The following ST3GAL3 variants were observed in gnomAD, a reference collection of about 807,000 sequenced individuals.
ST3GAL3 encodes the protein CMP-N-acetylneuraminate-beta-1,4-galactoside alpha-2,3-sialyltransferase.
ST3GAL3 carries 21 observed loss-of-function variants against 50.1 expected under a neutral mutation model. The ratio of observed to expected loss-of-function variants is 0.42; its 90% CI spans 0.30 to 0.60. The LOEUF (loss-of-function observed/expected upper bound fraction) is 0.60. ST3GAL3 is among the 20% of genes least tolerant of loss of function. The pLI is 0.19. For missense variants in ST3GAL3, 353 were observed against 489.4 expected (o/e 0.72, Z 2.63); for synonymous variants, 183 against 190.0 (o/e 0.96, Z 0.30).
At chr1:43,786,432 G>A (rs2057349402) in intron 2 of ST3GAL3, among the ~76,000 whole-genome samples, 1 of 152,100 alleles carries the variant, frequency 6.6e-6, no homozygotes, top group African/African-American at 2.4e-5. Flanking sequence ...ATGTAGCAGG[G>A]CTGCTGCGCT....
At chr1:43,923,511 C>T (rs1041323355) in intron 11 of ST3GAL3, among the ~76,000 whole-genome samples, 17 of 152,098 alleles carry the variant, frequency 1.1e-4, no homozygotes, top group African/African-American at 3.4e-4. Flanking sequence ...GATCAAGGTG[C>T]GGGAAGATTC....
intron 9 of ST3GAL3, among the ~76,000 whole-genome samples, chr1:43,908,523 G>A (rs1047029503): frequency 2.0e-5 from 3 of 152,078 alleles, no homozygotes; most frequent in South Asian, 2.1e-4. Flanking sequence ...GATGATTTGC[G>A]CAGGCTCAAG....
intron 2 of ST3GAL3, among the ~76,000 whole-genome samples, chr1:43,749,582 C>CA (rs886091249): frequency 6.6e-6 from 1 of 151,908 alleles, no homozygotes; most frequent in Non-Finnish European, 1.5e-5. Flanking sequence ...AACAAACAAA[C>CA]AAAAAAATGA....
At chr1:43,731,870 G>T (rs1676076371) in intron 1 of ST3GAL3, among the ~76,000 whole-genome samples, 16 of 151,886 alleles carry the variant, frequency 1.1e-4, no homozygotes, top group Admixed American at 1.0e-3. Flanking sequence ...TAGAGACAGG[G>T]TCCTACTGTG....
chr1:43,920,733 T>G, intron 10 of ST3GAL3, 49 bp from the exon 11 acceptor site: 1 of 1,613,696 alleles, frequency 6.2e-7, no homozygotes, highest in Non-Finnish European at 8.5e-7. Flanking sequence ...GTCCCAGCCC[T>G]CCAGCTGAAC....
chr1:43,739,117 A>C (rs770874864), intron 2 of ST3GAL3: 2 of 152,204 alleles, frequency 1.3e-5, no homozygotes, highest in Non-Finnish European at 2.9e-5. Context: ...AAGTTAGAAA[A>C]ATAAATGTCT....
At chr1:43,909,434 T>C (rs2080404852) in intron 9 of ST3GAL3, among the ~76,000 whole-genome samples, 1 of 152,250 alleles carries the variant, frequency 6.6e-6, no homozygotes, top group East Asian at 1.9e-4. Flanking sequence ...CCTGGCGCTC[T>C]GCCTTTCAGT....
intron 1 of ST3GAL3, among the ~76,000 whole-genome samples, chr1:43,720,040 A>G (rs1261553456): frequency 2.6e-5 from 4 of 151,194 alleles, no homozygotes; most frequent in Non-Finnish European, 5.9e-5. Flanking sequence ...CCCAGGAGTT[A>G]GAGACCATCC....
At chr1:43,815,652 A>G (rs1005016230) in intron 4 of ST3GAL3, among the ~76,000 whole-genome samples, 9 of 152,210 alleles carry the variant, frequency 5.9e-5, no homozygotes, top group African/African-American at 1.7e-4. Flanking sequence ...GATTTGGGTC[A>G]AGCTACTTAA....
intron 3 of ST3GAL3, among the ~76,000 whole-genome samples, chr1:43,802,552 C>A (rs2059433055): frequency 6.6e-6 from 1 of 152,194 alleles, no homozygotes; most frequent in South Asian, 2.1e-4. Context: ...GCGATACTAC[C>A]CAATATGTGA....
intron 5 of ST3GAL3, chr1:43,850,798 G>C: frequency 1.1e-6 from 1 of 925,694 alleles, no homozygotes; most frequent in Non-Finnish European, 1.8e-6. Context: ...GTCATAGCTT[G>C]CTTCAGGGCC....
chr1:43,848,915 A>T (rs1359712048), intron 5 of ST3GAL3, among the ~76,000 whole-genome samples: 2 of 152,110 alleles, frequency 1.3e-5, no homozygotes, highest in Non-Finnish European at 1.5e-5. Flanking sequence ...CTTTTGTAGC[A>T]TTTAATCACT....
chr1:43,857,570 TCTTTCCTTCCTCCCTC>T (rs375682381), intron 5 of ST3GAL3, among the ~76,000 whole-genome samples: 1,308 of 99,936 alleles, frequency 0.013, 235 homozygotes, highest in Middle Eastern at 0.028. Context: ...CTTCCTTCTT[TCTTTCCTTCCTCCCTC>T]CCTTCCTTCC....
chr1:43,821,487 C>T (rs1166954498), intron 4 of ST3GAL3, among the ~76,000 whole-genome samples: 1 of 151,956 alleles, frequency 6.6e-6, no homozygotes, highest in Non-Finnish European at 1.5e-5. Context: ...AGTTTTATGC[C>T]ACATAATTGA....
At chr1:43,718,365 A>G (rs1298718897) in intron 1 of ST3GAL3, among the ~76,000 whole-genome samples, 1 of 148,774 alleles carries the variant, frequency 6.7e-6, no homozygotes, top group African/African-American at 2.5e-5. Flanking sequence ...AATTTTTTGT[A>G]TTTTTAGTAG....
chr1:43,930,420 C>T lies in ST3GAL3; in HGVS notation c.*199C>T, dbSNP rs1277419127. ...GCACTCAGCCTCATTCAGCATGGGT[C>T]CTTGATGCCAGAGGGCCAGCAGGCT... is the stretch of plus-strand genomic sequence containing the variant. On this transcript the variant is annotated 3_prime_UTR_variant, in exon 12 of 12. Transcript: ENST00000347631. 6.3e-6 allele frequency: 4 copies of T among 631,042 alleles called. No individual in the cohort carries two copies. The highest frequency in any genetic ancestry group is 8.6e-6 in the Non-Finnish European group (3 of 350,038). The allele number at this position is 631,042 out of a possible 1,614,324, so 39.1% of individuals were successfully genotyped here. A position where few individuals can be genotyped will look rare whatever the true frequency, so the allele number is the denominator to read the frequency against.
chr1:43,864,136 G>A (rs994671565), intron 5 of ST3GAL3, among the ~76,000 whole-genome samples: 7 of 152,156 alleles, frequency 4.6e-5, no homozygotes, highest in African/African-American at 1.4e-4. Context: ...GAAATCAGCC[G>A]GGCATGGTGG....
chr1:43,757,997 G>A (rs1227150407), intron 2 of ST3GAL3, among the ~76,000 whole-genome samples: 1 of 131,588 alleles, frequency 7.6e-6, no homozygotes, highest in Non-Finnish European at 1.6e-5. Context: ...CAAAGAGCCA[G>A]CTAAAAATAA....
At chr1:43,925,214 C>T (rs2083703092) in intron 11 of ST3GAL3, among the ~76,000 whole-genome samples, 1 of 146,318 alleles carries the variant, frequency 6.8e-6, no homozygotes, top group Non-Finnish European at 1.5e-5. Flanking sequence ...TGCTTGAGCC[C>T]AGGAGGGCTC....
Sources: allele counts gnomAD v4.1 joint callset (sites outside exome capture counted in the v4.1 genomes callset), GRCh38; gene constraint gnomAD v4.1.1; transcripts MANE v1.5; gene names NCBI Gene and HGNC (gene_info 2026-07-23, HGNC 2026-07-21).